The following CDH13 variants were observed in gnomAD, a reference collection of about 807,000 sequenced individuals.
The protein encoded by CDH13 is cadherin-13.
Under a neutral mutation model 63.8 loss-of-function variants are expected in CDH13, and 24 were observed. That is an observed-to-expected ratio of 0.38 (90% CI 0.27 to 0.53). CDH13 has a LOEUF of 0.53. Among genes scored for constraint, CDH13 ranks in the 20% least tolerant of loss-of-function variants. The pLI is 0.85. For synonymous variants in CDH13, 503 were observed against 355.3 expected, an observed-to-expected ratio of 1.42 and a Z score of -4.67; for missense variants, 1,049 against 903.1, an observed-to-expected ratio of 1.16 and a Z score of -2.07.
At chr16:83,486,436 C>T (rs761559417) in intron 6 of CDH13, 41 bp from the exon 7 acceptor site, 2 of 1,574,720 alleles carry the variant, frequency 1.3e-6, no homozygotes, top group South Asian at 2.3e-5. Context: ...GTTGTTGACC[C>T]ATTGATAACC....
intron 8 of CDH13, among the ~76,000 whole-genome samples, chr16:83,668,030 C>T (rs1914156028): frequency 6.6e-6 from 1 of 152,130 alleles, no homozygotes. Flanking sequence ...GCAAAGGTGA[C>T]TGGGGTCCAC....
intron 7 of CDH13, among the ~76,000 whole-genome samples, chr16:83,554,851 C>A (rs1472609915): frequency 6.6e-6 from 1 of 152,026 alleles, no homozygotes; most frequent in Non-Finnish European, 1.5e-5. Context: ...TCTTTCTTTA[C>A]CTCCCTGCAC....
At position 83,486,602 on chromosome 16, in the gene CDH13, C is replaced by A. The variant is rs1360599333; in HGVS notation, c.907C>A (p.Pro303Thr). 1 of 1,613,906 alleles carries A rather than the reference C, an allele frequency of 6.2e-7. No homozygotes were observed. Among genetic ancestry groups the A allele is most frequent in the South Asian group, 1.1e-5 (1 of 91,060 alleles). Residue 303 changes from proline to threonine, a missense_variant, in exon 7 of 14, where the codon CCT becomes ACT. Pro to Thr is a conservative substitution (Grantham distance 38). Coordinates refer to ENST00000567109, the MANE Select transcript of CDH13 (RefSeq NM_001257.5). The stretch of plus-strand genomic sequence containing the variant: ...ATCTCCCAACATGTTCTACATCGAT[C>A]CTGAGAAAGGAGACATTGTCACTGT... ...KPSPNMFYID[P>T]EKGDIVTVVS... is the part of the protein sequence containing the mutation.
chr16:83,113,156 G>A (rs1344054726), intron 3 of CDH13, among the ~76,000 whole-genome samples: 5 of 152,172 alleles, frequency 3.3e-5, no homozygotes, highest in African/African-American at 1.2e-4. Context: ...TAACAAAAGG[G>A]AGAATTTTCT....
At chr16:83,635,764 G>T (rs2325959) in intron 8 of CDH13, among the ~76,000 whole-genome samples, 148,810 of 152,242 alleles carry the variant, frequency 0.98, 72,825 homozygotes, top group East Asian at 1. Flanking sequence ...TTGTCTGTTC[G>T]TTATCTTAAT....
At chr16:83,628,545 T>A (rs776497521) in intron 8 of CDH13, among the ~76,000 whole-genome samples, 2 of 152,004 alleles carry the variant, frequency 1.3e-5, no homozygotes, top group Non-Finnish European at 2.9e-5. Context: ...TCGTACATCT[T>A]TGGGCAAAAG....
intron 9 of CDH13, among the ~76,000 whole-genome samples, chr16:83,673,352 C>G (rs528426060): frequency 6.6e-6 from 1 of 152,300 alleles, no homozygotes; most frequent in East Asian, 1.9e-4. Flanking sequence ...ATCTACCAAT[C>G]TCCGAGAAAT....
At chr16:83,540,969 T>C (rs1436893379) in intron 7 of CDH13, among the ~76,000 whole-genome samples, 1 of 152,162 alleles carries the variant, frequency 6.6e-6, no homozygotes, top group East Asian at 1.9e-4. Flanking sequence ...GATGCCAGTT[T>C]GTTTGGTAAA....
intron 2 of CDH13, among the ~76,000 whole-genome samples, chr16:82,906,983 A>G (rs1400382605): frequency 3.3e-5 from 5 of 152,200 alleles, no homozygotes; most frequent in South Asian, 2.1e-4. Flanking sequence ...ATTTCCAAAT[A>G]AGGTTGCATT....
At chr16:83,625,373 G>A (rs1179710717) in intron 8 of CDH13, among the ~76,000 whole-genome samples, 3 of 152,212 alleles carry the variant, frequency 2.0e-5, no homozygotes, top group Middle Eastern at 3.4e-3. Context: ...TTTAAAGGAC[G>A]GTCCACTTCC....
chr16:83,322,353 A>G (rs2090249673), intron 5 of CDH13, among the ~76,000 whole-genome samples: 1 of 152,200 alleles, frequency 6.6e-6, no homozygotes, highest in Non-Finnish European at 1.5e-5. Context: ...GAGAACATAA[A>G]TGAACTGCTA....
At chr16:83,082,425 G>A (rs2033312989) in intron 3 of CDH13, among the ~76,000 whole-genome samples, 2 of 151,696 alleles carry the variant, frequency 1.3e-5, no homozygotes, top group African/African-American at 4.8e-5. Flanking sequence ...AGGAGTTTGA[G>A]ACCAGCCTGG....
chr16:83,692,111 A>G (rs1904958761), intron 10 of CDH13, among the ~76,000 whole-genome samples: 1 of 152,206 alleles, frequency 6.6e-6, no homozygotes, highest in Non-Finnish European at 1.5e-5. Context: ...AACTGAAGCC[A>G]GAGAAGCGTG....
intron 7 of CDH13, among the ~76,000 whole-genome samples, chr16:83,543,682 G>A (rs1362273683): frequency 2.0e-5 from 3 of 152,218 alleles, no homozygotes; most frequent in Admixed American, 1.3e-4. Flanking sequence ...TTGGTTGTCT[G>A]TCGTGAGAGC....
chr16:83,307,329 C>T (rs1045396387), intron 5 of CDH13, among the ~76,000 whole-genome samples: 4 of 152,126 alleles, frequency 2.6e-5, no homozygotes, highest in African/African-American at 7.2e-5. Flanking sequence ...CTCATTTTTT[C>T]TTAAGCCCTT....
chr16:83,778,558 A>G (rs888296505), intron 11 of CDH13, among the ~76,000 whole-genome samples: 3 of 152,022 alleles, frequency 2.0e-5, no homozygotes, highest in Non-Finnish European at 2.9e-5. Context: ...ACATTATTAG[A>G]TTGGTGATTA....
chr16:83,611,557 T>C (rs1041071108), intron 8 of CDH13, among the ~76,000 whole-genome samples: 1 of 152,086 alleles, frequency 6.6e-6, no homozygotes, highest in Admixed American at 6.5e-5. Flanking sequence ...TTCTATCTCT[T>C]TGGGTATCTT....
At chr16:83,253,408 A>C (rs535253402) in intron 5 of CDH13, among the ~76,000 whole-genome samples, 3 of 152,194 alleles carry the variant, frequency 2.0e-5, no homozygotes, top group Non-Finnish European at 2.9e-5. Flanking sequence ...GCGATCAGTC[A>C]TCTTGATCAA....
intron 2 of CDH13, among the ~76,000 whole-genome samples, chr16:82,965,195 C>A (rs1008479999): frequency 6.6e-6 from 1 of 152,204 alleles, no homozygotes; most frequent in Non-Finnish European, 1.5e-5. Flanking sequence ...TCACCCGTCT[C>A]GTTTTCCCAC....
Sources: allele counts gnomAD v4.1 joint callset (sites outside exome capture counted in the v4.1 genomes callset), GRCh38; gene constraint gnomAD v4.1.1; transcripts MANE v1.5; gene names NCBI Gene and HGNC (gene_info 2026-07-23, HGNC 2026-07-21).